The following WDFY2 variants were observed in gnomAD, a reference collection of about 807,000 sequenced individuals.
The protein encoded by WDFY2 is WD repeat and FYVE domain containing 2, also known as WD repeat and FYVE domain-containing protein 2.
WDFY2 carries 36 observed loss-of-function variants against 56.4 expected under a neutral mutation model. That is an observed-to-expected ratio of 0.64 (90% CI 0.49 to 0.84). The LOEUF is 0.84. Among genes scored for constraint, WDFY2 ranks in the 40% least tolerant of loss-of-function variants. WDFY2 has a pLI of 0.00. For missense variants in WDFY2, 444 were observed against 512.2 expected, an observed-to-expected ratio of 0.87 and a Z score of 1.29; for synonymous variants, 176 against 183.7, an observed-to-expected ratio of 0.96 and a Z score of 0.34.
At chr13:51,596,577 A>T (rs2138299613) in intron 1 of WDFY2, among the ~76,000 whole-genome samples, 1 of 152,352 alleles carries the variant, frequency 6.6e-6, no homozygotes, top group South Asian at 2.1e-4. Context: ...GATCACCTGG[A>T]AACACTGACT....
At chr13:51,742,651 T>C in intron 7 of WDFY2, among the ~76,000 whole-genome samples, 1 of 152,232 alleles carries the variant, frequency 6.6e-6, no homozygotes, top group East Asian at 1.9e-4. Flanking sequence ...AATTTTTCTT[T>C]CTAATAGTGT....
chr13:51,680,524 T>A (rs549298146), intron 3 of WDFY2, among the ~76,000 whole-genome samples: 3 of 152,312 alleles, frequency 2.0e-5, no homozygotes, highest in Admixed American at 1.3e-4. Context: ...GTTCTGAGGT[T>A]CTGGGTGGAC....
intron 1 of WDFY2, among the ~76,000 whole-genome samples, chr13:51,620,146 A>G (rs1954697623): frequency 7.0e-6 from 1 of 142,320 alleles, no homozygotes. Flanking sequence ...ACTTTTAGAT[A>G]AATGTTCCTT....
intron 1 of WDFY2, among the ~76,000 whole-genome samples, chr13:51,632,536 C>CCGTT (rs1267459343): frequency 1.9e-4 from 29 of 152,176 alleles, no homozygotes; most frequent in African/African-American, 6.7e-4. Flanking sequence ...TTTCAGGTTC[C>CCGTT]CGTTTGGTTT....
chr13:51,718,602 A>T (rs1244144366), intron 4 of WDFY2, among the ~76,000 whole-genome samples: 3 of 147,774 alleles, frequency 2.0e-5, no homozygotes, highest in Non-Finnish European at 4.5e-5. Flanking sequence ...ACACACACAC[A>T]CTGTAACATA....
At chr13:51,712,861 T>C (rs1009344758) in intron 4 of WDFY2, among the ~76,000 whole-genome samples, 4 of 152,108 alleles carry the variant, frequency 2.6e-5, no homozygotes, top group African/African-American at 9.7e-5. Flanking sequence ...TTTATACTAA[T>C]AAATTTGAAA....
At chr13:51,736,248 G>A (rs987829119) in intron 6 of WDFY2, among the ~76,000 whole-genome samples, 5 of 152,104 alleles carry the variant, frequency 3.3e-5, no homozygotes, top group African/African-American at 1.2e-4. Context: ...CAATACTGTG[G>A]GTTAGGTACT....
chr13:51,623,705 A>C (rs1243996220), intron 1 of WDFY2, among the ~76,000 whole-genome samples: 1 of 152,218 alleles, frequency 6.6e-6, no homozygotes, highest in Non-Finnish European at 1.5e-5. Flanking sequence ...CAGAATGCAC[A>C]TCCTGTGAAC....
intron 6 of WDFY2, among the ~76,000 whole-genome samples, chr13:51,738,765 T>C (rs1403946492): frequency 6.6e-6 from 1 of 152,230 alleles, no homozygotes; most frequent in Non-Finnish European, 1.5e-5. Flanking sequence ...TTCTTAGAAT[T>C]ATGTCTCCCT....
chr13:51,613,550 T>C (rs1163500316), intron 1 of WDFY2, among the ~76,000 whole-genome samples: 4 of 152,218 alleles, frequency 2.6e-5, no homozygotes, highest in Middle Eastern at 3.2e-3. Context: ...GGTCTTTCCC[T>C]GGGCACATTC....
At chr13:51,679,012 C>T (rs1387780789) in intron 3 of WDFY2, among the ~76,000 whole-genome samples, 6 of 152,088 alleles carry the variant, frequency 3.9e-5, no homozygotes, top group Non-Finnish European at 2.9e-5. Context: ...ACCACCCAAA[C>T]CATGGAGGTA....
At chr13:51,669,400 C>CT (rs1955769124) in intron 2 of WDFY2, among the ~76,000 whole-genome samples, 1 of 152,144 alleles carries the variant, frequency 6.6e-6, no homozygotes, top group Non-Finnish European at 1.5e-5. Flanking sequence ...AGGTGAGACT[C>CT]TGACAGGCCA....
chr13:51,639,877 A>C (rs986718531), intron 1 of WDFY2, among the ~76,000 whole-genome samples: 1 of 152,216 alleles, frequency 6.6e-6, no homozygotes, highest in Non-Finnish European at 1.5e-5. Flanking sequence ...TCATTGACAT[A>C]TACTACCATC....
chr13:51,677,782 A>C (rs1006346070), intron 3 of WDFY2, among the ~76,000 whole-genome samples: 3 of 152,128 alleles, frequency 2.0e-5, no homozygotes, highest in African/African-American at 7.2e-5. Context: ...CTGGAGCAAG[A>C]TCTGGTAGGA....
chr13:51,662,072 G>A lies in WDFY2; in HGVS notation c.205+1409G>A, dbSNP rs187115013. Among the ~76,000 whole-genome samples the A allele has an allele frequency of 4.9e-3, 752 of 152,180 alleles. 5 individuals carry two copies. Among genetic ancestry groups the A allele is most frequent in the African/African-American group, 0.014 (590 of 41,508 alleles). On this transcript the variant is annotated intron_variant, in intron 2 of 11. Transcript: ENST00000298125. Reference sequence around the variant, plus strand: ...TGCAACCTCCACCTCCCGGGTTCAAGCGATTCTCCTCCCTCAGCCTCCCGA... The same window carrying A: ...TGCAACCTCCACCTCCCGGGTTCAAACGATTCTCCTCCCTCAGCCTCCCGA...
chr13:51,705,477 C>G (rs1952063385), intron 4 of WDFY2, among the ~76,000 whole-genome samples: 1 of 152,016 alleles, frequency 6.6e-6, no homozygotes, highest in African/African-American at 2.4e-5. Flanking sequence ...TTCCTGAGCA[C>G]TGTTCTTATA....
At chr13:51,704,305 A>G (rs1952042181) in intron 4 of WDFY2, among the ~76,000 whole-genome samples, 1 of 152,170 alleles carries the variant, frequency 6.6e-6, no homozygotes, top group South Asian at 2.1e-4. Flanking sequence ...TAAAATTTGG[A>G]GCTAAAATTT....
intron 3 of WDFY2, 112 bp downstream of exon 3, chr13:51,675,355 A>G: frequency 1.0e-6 from 1 of 1,002,018 alleles, no homozygotes; most frequent in Non-Finnish European, 1.5e-6. Flanking sequence ...GCTAAGTAGA[A>G]TGAAAATTGC....
chr13:51,614,942 G>T (rs767536317), intron 1 of WDFY2, among the ~76,000 whole-genome samples: 3 of 152,204 alleles, frequency 2.0e-5, no homozygotes, highest in Non-Finnish European at 4.4e-5. Context: ...CACTCTGAGA[G>T]ATCATATACA....
Sources: allele counts gnomAD v4.1 joint callset (sites outside exome capture counted in the v4.1 genomes callset), GRCh38; gene constraint gnomAD v4.1.1; transcripts MANE v1.5; gene names NCBI Gene and HGNC (gene_info 2026-07-23, HGNC 2026-07-21).